GMDS: variants seen among roughly 807,000 people sequenced by gnomAD.
The protein encoded by GMDS is GDP-mannose 4,6-dehydratase.
Under a neutral mutation model 49.9 loss-of-function variants are expected in GMDS, and 20 were observed. That is an observed-to-expected ratio of 0.40 (90% confidence interval 0.28 to 0.58). GMDS has a LOEUF of 0.58. Ranked by LOEUF, GMDS falls within the 20% of genes least tolerant of loss-of-function variation. The pLI, the probability that GMDS is intolerant of heterozygous loss-of-function variation, is 0.42. For synonymous variants in GMDS, 177 were observed against 178.6 expected (o/e 0.99, Z 0.07); for missense variants, 362 against 481.4 (o/e 0.75, Z 2.32).
At position 1,934,963 on chromosome 6, in the gene GMDS, C is replaced by T. The variant is rs543679986; in HGVS notation, c.644-4733G>A. Among the ~76,000 whole-genome samples the T allele has an allele frequency of 1.4e-3, 217 of 152,298 alleles. 1 individual carries two copies. The highest frequency in any genetic ancestry group is 5.0e-3 in the African/African-American group (209 of 41,566). On this transcript the variant is annotated intron_variant, in intron 6 of 10. Coordinates refer to ENST00000380815, the MANE Select transcript of GMDS (RefSeq NM_001500.4). ...GTCTCACTGGCTTTCTAGCCTTGTG[C>T]TGTTTTGCTAAGCCACAGTGCAATG...
chr6:2,172,089 G>T (rs1161568032), intron 1 of GMDS, among the ~76,000 whole-genome samples: 1 of 151,956 alleles, frequency 6.6e-6, no homozygotes, highest in Non-Finnish European at 1.5e-5. Context: ...CGAAAAGCAA[G>T]AATACATTTA....
rs1357527958 is a variant in GMDS at position 1,640,997 on chromosome 6, C to A, written c.988-16457G>T. On this transcript the variant is annotated intron_variant, in intron 9 of 10. Coordinates refer to ENST00000380815, the MANE Select transcript of GMDS (RefSeq NM_001500.4). This position sits in a 1 kb window ranked among gnomAD's most constrained non-coding sequence, Gnocchi z 4.0. ...GGGGCTGGGGTCAGGGAAGCTGTTA[C>A]AGGTGGCGTTGGCTCCACAGCTGTG... Among the ~76,000 whole-genome samples the A allele has an allele frequency of 1.3e-5, 2 of 152,174 alleles. No individual in the cohort carries two copies. The highest frequency in any genetic ancestry group is 2.4e-5 in the African/African-American group (1 of 41,440).
At chr6:1,999,095 G>T (rs6908469) in intron 4 of GMDS, among the ~76,000 whole-genome samples, 69,607 of 151,874 alleles carry the variant, frequency 0.46, 16,134 homozygotes, top group African/African-American at 0.52. Context: ...AGGCCAAGGC[G>T]GCCATATCAT....
intron 7 of GMDS, among the ~76,000 whole-genome samples, chr6:1,886,640 A>C (rs549604967): frequency 6.6e-6 from 1 of 152,176 alleles, no homozygotes; most frequent in Non-Finnish European, 1.5e-5. Flanking sequence ...TTTTAAATCA[A>C]GAATAAAAAC....
intron 7 of GMDS, among the ~76,000 whole-genome samples, chr6:1,781,054 C>T (rs1457797399): frequency 6.6e-6 from 1 of 152,126 alleles, no homozygotes; most frequent in Non-Finnish European, 1.5e-5. Flanking sequence ...AGCATCGAAT[C>T]CCAAGCGCTC....
intron 4 of GMDS, among the ~76,000 whole-genome samples, chr6:1,996,143 C>T (rs558884425): frequency 6.6e-6 from 1 of 151,284 alleles, no homozygotes; most frequent in South Asian, 2.1e-4. Flanking sequence ...CCTCTTCTTC[C>T]TCCTTCCTCT....
intron 1 of GMDS, among the ~76,000 whole-genome samples, chr6:2,132,796 T>A (rs1344130680): frequency 6.6e-6 from 1 of 152,204 alleles, no homozygotes; most frequent in Non-Finnish European, 1.5e-5. Context: ...GACAGTTCAG[T>A]GCTGATGTGA....
chr6:1,712,709 C>A (rs1766015974), intron 9 of GMDS, among the ~76,000 whole-genome samples: 1 of 150,798 alleles, frequency 6.6e-6, no homozygotes, highest in South Asian at 2.1e-4. Context: ...GACAGAAGTT[C>A]AATTGTCTGA....
intron 4 of GMDS, among the ~76,000 whole-genome samples, chr6:2,020,099 T>A (rs1259977715): frequency 6.6e-6 from 1 of 152,162 alleles, no homozygotes; most frequent in Non-Finnish European, 1.5e-5. Context: ...TAACCTAAAG[T>A]CTTAAACTGT....
intron 7 of GMDS, among the ~76,000 whole-genome samples, chr6:1,743,012 T>C (rs1767334383): frequency 6.6e-6 from 1 of 152,126 alleles, no homozygotes; most frequent in Non-Finnish European, 1.5e-5. Context: ...TAGATAGTAG[T>C]CAAGGAAAAA....
chr6:2,129,598 G>C (rs943539033), intron 1 of GMDS, among the ~76,000 whole-genome samples: 1 of 152,152 alleles, frequency 6.6e-6, no homozygotes, highest in Non-Finnish European at 1.5e-5. Flanking sequence ...AACCCCTTCT[G>C]CAAGAAGAGA....
At chr6:1,813,437 C>T (rs1323882573) in intron 7 of GMDS, among the ~76,000 whole-genome samples, 1 of 152,088 alleles carries the variant, frequency 6.6e-6, no homozygotes, top group Admixed American at 6.6e-5. Context: ...TACTCCTGAG[C>T]CATTCCTATC....
At chr6:1,998,659 T>C (rs1184945556) in intron 4 of GMDS, among the ~76,000 whole-genome samples, 1 of 152,174 alleles carries the variant, frequency 6.6e-6, no homozygotes, top group Non-Finnish European at 1.5e-5. Flanking sequence ...GTGTACCAAT[T>C]ATTTACATAG....
chr6:1,846,141 G>A (rs1223600332), intron 7 of GMDS, among the ~76,000 whole-genome samples: 2 of 147,454 alleles, frequency 1.4e-5, no homozygotes, highest in African/African-American at 5.1e-5. Context: ...GACCCAGGCT[G>A]GAGTGCAGTG....
At chr6:2,185,096 G>A (rs889761032) in intron 1 of GMDS, among the ~76,000 whole-genome samples, 1 of 152,344 alleles carries the variant, frequency 6.6e-6, no homozygotes, top group Middle Eastern at 3.4e-3. Flanking sequence ...GGCAAAGCCA[G>A]CTTTAAACTT....
intron 7 of GMDS, among the ~76,000 whole-genome samples, chr6:1,918,724 G>C (rs1489026943): frequency 6.6e-6 from 1 of 152,168 alleles, no homozygotes; most frequent in African/African-American, 2.4e-5. Flanking sequence ...ACTCCAGTAT[G>C]GGTGACAGAG....
At chr6:2,070,162 G>C (rs1274124611) in intron 4 of GMDS, among the ~76,000 whole-genome samples, 1 of 150,166 alleles carries the variant, frequency 6.7e-6, no homozygotes, top group Non-Finnish European at 1.5e-5. Context: ...GTAAACTATC[G>C]CAAGAACAAA....
At chr6:1,776,968 G>T (rs1490195311) in intron 7 of GMDS, among the ~76,000 whole-genome samples, 1 of 152,246 alleles carries the variant, frequency 6.6e-6, no homozygotes, top group Non-Finnish European at 1.5e-5. Flanking sequence ...AGCATCTGTA[G>T]GTGGGGATCT....
chr6:2,036,757 T>C (rs909752060), intron 4 of GMDS, among the ~76,000 whole-genome samples: 15 of 152,114 alleles, frequency 9.9e-5, no homozygotes, highest in African/African-American at 1.7e-4. Context: ...AAGTAAACCA[T>C]AAACAAGATA....
Sources: gnomAD v4.1 joint callset for allele counts (sites outside exome capture counted in the v4.1 genomes callset) on GRCh38, gnomAD v4.1.1 for gene constraint, Gnocchi (gnomAD v3.1) non-coding constraint, MANE v1.5 for transcripts, NCBI Gene and HGNC (gene_info 2026-07-23, HGNC 2026-07-21) for gene names.